The following PAM16 variants were observed in gnomAD, a reference collection of about 807,000 sequenced individuals.
PAM16 encodes the protein presequence translocase associated motor 16.
PAM16 carries 11 observed loss-of-function variants against 17.9 expected under a neutral mutation model. The ratio of observed to expected loss-of-function variants is 0.62; its 90% CI spans 0.39 to 1.02. The LOEUF (loss-of-function observed/expected upper bound fraction) is 1.02. PAM16 is among the 50% of genes least tolerant of loss of function. The pLI is 0.01. For missense variants in PAM16, 199 were observed against 165.4 expected (o/e 1.20, Z -1.11); for synonymous variants, 72 against 67.4 (o/e 1.07, Z -0.34).
chr16:4,340,431 G>T (rs191458862), intron 4 of PAM16, 26 bp from the exon 5 acceptor site: 13 of 1,604,776 alleles, frequency 8.1e-6, no homozygotes, highest in Non-Finnish European at 1.0e-5. Context: ...TAATCAGGCC[G>T]GGAGGCCAAG....
In PAM16 at chr16:4,341,381, T is replaced by C; in HGVS notation, c.212A>G (p.Glu71Gly). ...QILNVSKLSPEEVQKNYEHLF... is the reference protein window; with the variant it reads ...QILNVSKLSPGEVQKNYEHLF... ...CAGTGGCCTCACCTTCTGGACCTCC[T>C]CAGGGCTCAGCTTGGACACGTTGAG... is the stretch of plus-strand genomic sequence containing the variant. The change falls in exon 3 of 5, where the codon GAG becomes GGG. Residue 71 changes from glutamate (E) to glycine (G), a missense_variant. Glu to Gly is a moderately conservative substitution (Grantham distance 98). Coordinates refer to ENST00000318059, the MANE Select transcript of PAM16 (RefSeq NM_016069.11). 1.9e-6 allele frequency: 3 copies of C among 1,582,580 alleles called. No homozygotes were observed. Among genetic ancestry groups the C allele is most frequent in the Non-Finnish European group, 2.6e-6 (3 of 1,164,494 alleles).
At chr16:4,343,462 G>T in intron 1 of PAM16, 171 bp from the exon 2 acceptor site, 1 of 1,431,786 alleles carries the variant, frequency 7.0e-7, no homozygotes, top group Non-Finnish European at 9.1e-7. Context: ...AGCTTCCATG[G>T]TGGGTGGCTT....
chr16:4,351,203 T>A, intron 1 of PAM16, 29 bp downstream of exon 1: 3 of 1,357,470 alleles, frequency 2.2e-6, no homozygotes, highest in Non-Finnish European at 1.9e-6. Flanking sequence ...CGGCTTCCCC[T>A]CCCCGGTAGC....
chr16:4,341,783 C>T (rs1360787245), intron 2 of PAM16: 2 of 477,808 alleles, frequency 4.2e-6, no homozygotes, highest in Non-Finnish European at 7.5e-6. Context: ...GTCCCCCAAC[C>T]CCCATATCCC....
intron 1 of PAM16, 118 bp from the exon 2 acceptor site, chr16:4,343,409 A>T: frequency 2.0e-6 from 3 of 1,475,386 alleles, no homozygotes; most frequent in Non-Finnish European, 2.7e-6. Context: ...TGAAGCACAG[A>T]GCTGCAGCCC....
chr16:4,345,788 G>C, intron 1 of PAM16: 2 of 971,386 alleles, frequency 2.1e-6, no homozygotes, highest in Non-Finnish European at 2.4e-6. Flanking sequence ...GGTCTCACCT[G>C]ACTTCGCCTC....
At chr16:4,346,241 AC>A (rs1334217941) in intron 1 of PAM16, among the ~76,000 whole-genome samples, 5 of 152,156 alleles carry the variant, frequency 3.3e-5, no homozygotes, top group Non-Finnish European at 7.4e-5. Flanking sequence ...TAATGGTTAC[AC>A]CTGCAGGCTT....
chr16:4,343,118 A>G, intron 2 of PAM16, 89 bp downstream of exon 2: 1 of 1,565,544 alleles, frequency 6.4e-7, no homozygotes, highest in Non-Finnish European at 8.8e-7. Context: ...ACACTTCAGA[A>G]CCGCCAGGCC....
At chr16:4,344,034 G>C (rs1358895195) in intron 1 of PAM16, 4 of 397,824 alleles carry the variant, frequency 1.0e-5, no homozygotes, top group Non-Finnish European at 1.8e-5. Context: ...CTGCTGGCCT[G>C]GCAGGGAACC....
At chr16:4,341,008 G>A (rs2053636176) in intron 3 of PAM16, 23 bp from the exon 4 acceptor site, 1 of 1,612,748 alleles carries the variant, frequency 6.2e-7, no homozygotes. Context: ...GGGGACGGGT[G>A]AGAGGGCTGC....
Position 4,340,349 on chromosome 16 carries a change from GTCC to G in PAM16, c.345_347del (p.Glu115del). The G allele has an allele frequency of 6.2e-7, 1 of 1,613,002 alleles. No individual in the cohort carries two copies. Among genetic ancestry groups the G allele is most frequent in the Non-Finnish European group, 8.5e-7 (1 of 1,179,898 alleles). Reference sequence around the variant, plus strand: ...TATGGGGCATCTGCCCTTTTTCTCTGTCCTCCTGGGCCTGGATTTTGAGTTCCT... The same window carrying G: ...TATGGGGCATCTGCCCTTTTTCTCTGTCCTGGGCCTGGATTTTGAGTTCCT... On this transcript the variant is annotated inframe_deletion, in exon 5 of 5. Coordinates refer to ENST00000318059, the MANE Select transcript of PAM16 (RefSeq NM_016069.11).
rs367849616 is a variant in PAM16, at chr16:4,341,510, T to A, written c.89-6A>T. 17 of 1,605,056 alleles carry A rather than the reference T, an allele frequency of 1.1e-5. No homozygotes were observed. The African/African-American group carries it at 2.3e-4, about 21-fold the overall frequency. On this transcript the variant is annotated splice_polypyrimidine_tract_variant and splice_region_variant and intron_variant, in intron 2 of 4. Coordinates refer to ENST00000318059, the MANE Select transcript of PAM16 (RefSeq NM_016069.11). ...ATCAGCTGCGGCCCGGCTGGCTGTG[T>A]GGACATGTGGGTGATCGCTCAGTCC... is the stretch of plus-strand genomic sequence containing the variant.
chr16:4,345,468 C>G (rs2053742576), intron 1 of PAM16: 1 of 152,136 alleles, frequency 6.6e-6, no homozygotes. Flanking sequence ...GGCAAGCCGA[C>G]AAGTATCAAG....
intron 1 of PAM16, among the ~76,000 whole-genome samples, chr16:4,344,601 ATTGTGTGAGGGGGGGTT>A (rs2053716584): frequency 1.5e-4 from 2 of 13,292 alleles, no homozygotes; most frequent in Non-Finnish European, 2.4e-4. Flanking sequence ...AGAGGAGGGG[ATTGTGTGAGGGGGGGTT>A]CTGTGAGAGG....
At chr16:4,341,572 G>T in intron 2 of PAM16, 68 bp from the exon 3 acceptor site, 1 of 1,519,470 alleles carries the variant, frequency 6.6e-7, no homozygotes. Context: ...CTTCCGAGTT[G>T]GTGGCTCACC....
At chr16:4,341,297 A>T (rs2053642471) in intron 3 of PAM16, 71 bp downstream of exon 3, 1 of 1,522,932 alleles carries the variant, frequency 6.6e-7, no homozygotes, top group East Asian at 2.5e-5. Flanking sequence ...CTCCCTGGCC[A>T]GGCCTCCCTT....
At chr16:4,350,116 T>TC (rs869055624) in intron 1 of PAM16, among the ~76,000 whole-genome samples, 1 of 151,858 alleles carries the variant, frequency 6.6e-6, no homozygotes, top group Non-Finnish European at 1.5e-5. Flanking sequence ...ACTTTTTTTT[T>TC]CCCCCTCTTT....
intron 1 of PAM16, chr16:4,347,467 G>A (rs1273956471): frequency 2.0e-5 from 3 of 152,174 alleles, no homozygotes; most frequent in Non-Finnish European, 4.4e-5. Context: ...CTGCAAGATG[G>A]AGAGAATAAC....
Position 4,351,217 on chromosome 16 carries a change from C to A in PAM16, c.3+15G>T. ...TCGGCTTCCCCTCCCCGGTAGCGCC[C>A]GACTCGGGGCTCACCATGGCAGCCG... On this transcript the variant is annotated intron_variant, in intron 1 of 4. Transcript: ENST00000318059. The A allele has an allele frequency of 1.4e-6, 2 of 1,415,938 alleles. No individual in the cohort carries two copies. The highest frequency in any genetic ancestry group is 2.8e-5 in the East Asian group (1 of 35,704). 87.7% of individuals were successfully genotyped at this position (1,415,938 alleles called of 1,614,324 possible). A position where few individuals can be genotyped will look rare whatever the true frequency, so the allele number is the denominator to read the frequency against.
Sources: allele counts gnomAD v4.1 joint callset (sites outside exome capture counted in the v4.1 genomes callset), GRCh38; gene constraint gnomAD v4.1.1; transcripts MANE v1.5; gene names NCBI Gene and HGNC (gene_info 2026-07-23, HGNC 2026-07-21).